WIPF3: variants seen among roughly 807,000 people sequenced by gnomAD.
WIPF3 encodes the protein WAS/WASL interacting protein family member 3.
A neutral mutation model predicts 38.9 loss-of-function variants in WIPF3; 33 were observed. That is an observed-to-expected ratio of 0.85 (90% CI 0.64 to 1.14). WIPF3 has a LOEUF of 1.14. Ranked by LOEUF, WIPF3 falls within the 50% of genes most tolerant of loss-of-function variation. The probability of loss-of-function intolerance (pLI) is 0.00; values close to 1 mark genes in which losing one functional copy is unlikely to be tolerated. For missense variants in WIPF3, 711 were observed against 652.5 expected (o/e 1.09, Z -0.98); for synonymous variants, 324 against 269.3 (o/e 1.20, Z -1.99).
chr7:29,841,340 G>A (rs146222482), intron 2 of WIPF3, among the ~76,000 whole-genome samples: 322 of 152,144 alleles, frequency 2.1e-3, no homozygotes, highest in Non-Finnish European at 3.8e-3. Flanking sequence ...CCTCATCTCC[G>A]TCGCTGATGA....
chr7:29,828,667 T>C (rs6959637), intron 1 of WIPF3, among the ~76,000 whole-genome samples: 88,851 of 152,030 alleles, frequency 0.58, 26,216 homozygotes, highest in Middle Eastern at 0.65. Context: ...GAGGGGCTCC[T>C]ACTGCAGACC....
chr7:29,877,046 T>C (rs1785613596), intron 3 of WIPF3, among the ~76,000 whole-genome samples: 1 of 152,214 alleles, frequency 6.6e-6, no homozygotes, highest in Non-Finnish European at 1.5e-5. Flanking sequence ...ACTTTTTGAA[T>C]GTCGACATGA....
At chr7:29,903,711 A>T (rs1272166631) in intron 7 of WIPF3, among the ~76,000 whole-genome samples, 1 of 147,476 alleles carries the variant, frequency 6.8e-6, no homozygotes, top group Non-Finnish European at 1.5e-5. Flanking sequence ...AAAAAAAAAA[A>T]TTGAAGAGAT....
chr7:29,846,452 A>G (rs543198093), intron 2 of WIPF3, among the ~76,000 whole-genome samples: 1 of 152,306 alleles, frequency 6.6e-6, no homozygotes, highest in East Asian at 1.9e-4. Flanking sequence ...TGTAATCCCA[A>G]CACTTTGGGA....
rs1483128992 is a variant in WIPF3, at chr7:29,878,946, A to C, written c.224-63A>C. On this transcript the variant is annotated intron_variant, in intron 3 of 8. Coordinates refer to ENST00000242140, the MANE Select transcript of WIPF3 (RefSeq NM_001080529.3). The surrounding 1 kb of genome is among the most constrained non-coding windows in gnomAD (Gnocchi z 4.0). ...AGACCAGTGTTAGACCATGGTCTGA[A>C]ATGAGACCTGGCTGCTCAGCTCTGC... 4 of 1,535,580 alleles carry C rather than the reference A, an allele frequency of 2.6e-6. No individual in the cohort carries two copies. Among genetic ancestry groups the C allele is most frequent in the Non-Finnish European group, 3.5e-6 (4 of 1,130,448 alleles).
intron 1 of WIPF3, among the ~76,000 whole-genome samples, chr7:29,817,051 A>G (rs1784467646): frequency 6.6e-6 from 1 of 152,200 alleles, no homozygotes; most frequent in African/African-American, 2.4e-5. Flanking sequence ...CCAATTTGAT[A>G]GGTGAAAATG....
At chr7:29,886,487 G>C (rs1344964711) in intron 5 of WIPF3, among the ~76,000 whole-genome samples, 4 of 150,870 alleles carry the variant, frequency 2.7e-5, no homozygotes, top group Non-Finnish European at 2.9e-5. Flanking sequence ...CTTCCGAGTA[G>C]CTGAGGTTAC....
chr7:29,856,042 T>C (rs891213355), intron 2 of WIPF3, among the ~76,000 whole-genome samples: 2 of 152,228 alleles, frequency 1.3e-5, no homozygotes, highest in Admixed American at 1.3e-4. Context: ...GATATGTATG[T>C]ATATATGTAG....
At chr7:29,813,694 G>T (rs1784415648) in intron 1 of WIPF3, among the ~76,000 whole-genome samples, 1 of 151,950 alleles carries the variant, frequency 6.6e-6, no homozygotes, top group African/African-American at 2.4e-5. Flanking sequence ...CATACCATAA[G>T]ATTCAGCTTT....
chr7:29,899,580 A>G (rs565942188), intron 7 of WIPF3, among the ~76,000 whole-genome samples: 3 of 152,348 alleles, frequency 2.0e-5, no homozygotes, highest in South Asian at 2.1e-4. Flanking sequence ...TCACTCATAT[A>G]TGCATTGCTG....
At chr7:29,856,509 G>T (rs576351608) in intron 2 of WIPF3, among the ~76,000 whole-genome samples, 4 of 152,146 alleles carry the variant, frequency 2.6e-5, no homozygotes, top group Admixed American at 6.5e-5. Context: ...GCTGTCTGTT[G>T]TCTCAGATAC....
At chr7:29,835,092 C>G (rs1262121294) in intron 2 of WIPF3, among the ~76,000 whole-genome samples, 1 of 151,772 alleles carries the variant, frequency 6.6e-6, no homozygotes, top group South Asian at 2.1e-4. Flanking sequence ...TACAGGCTCG[C>G]GAGTCTGAGT....
intron 4 of WIPF3, among the ~76,000 whole-genome samples, chr7:29,882,741 C>T (rs755081581): frequency 2.8e-4 from 42 of 152,212 alleles, no homozygotes; most frequent in Non-Finnish European, 5.1e-4. Context: ...TCCCATGCTG[C>T]AGCACCCAGG....
chr7:29,906,528 G>C (rs1344104316), intron 8 of WIPF3, among the ~76,000 whole-genome samples: 1 of 152,116 alleles, frequency 6.6e-6, no homozygotes, highest in African/African-American at 2.4e-5. Context: ...CAAAGCCTAA[G>C]AGACCTGTGG....
At chr7:29,909,336 T>A (rs1450261590) in intron 8 of WIPF3, among the ~76,000 whole-genome samples, 1 of 151,594 alleles carries the variant, frequency 6.6e-6, no homozygotes, top group South Asian at 2.1e-4. Flanking sequence ...AGAAAAACAA[T>A]ACAGAAAATC....
At chr7:29,858,420 T>C (rs1418633848) in intron 2 of WIPF3, among the ~76,000 whole-genome samples, 3 of 152,158 alleles carry the variant, frequency 2.0e-5, no homozygotes, top group Admixed American at 1.3e-4. Flanking sequence ...AGAGCAATGG[T>C]TACATCAGCC....
At chr7:29,892,008 G>C (rs148003523) in intron 7 of WIPF3, among the ~76,000 whole-genome samples, 1 of 152,202 alleles carries the variant, frequency 6.6e-6, no homozygotes, top group African/African-American at 2.4e-5. Context: ...CAGACTGCCG[G>C]AGGTGCAAGG....
At chr7:29,863,402 A>G (rs925374033) in intron 2 of WIPF3, among the ~76,000 whole-genome samples, 20 of 152,252 alleles carry the variant, frequency 1.3e-4, no homozygotes, top group Admixed American at 1.2e-3. Flanking sequence ...ACATTCATAC[A>G]TAAGTTTTCA....
chr7:29,843,241 C>A (rs568464849), intron 2 of WIPF3, among the ~76,000 whole-genome samples: 10 of 152,298 alleles, frequency 6.6e-5, no homozygotes, highest in Non-Finnish European at 1.5e-4. Flanking sequence ...GCCACTCATA[C>A]TTCCAAAGGG....
Sources: allele counts gnomAD v4.1 joint callset (sites outside exome capture counted in the v4.1 genomes callset), GRCh38; gene constraint gnomAD v4.1.1; non-coding constraint Gnocchi (gnomAD v3.1); transcripts MANE v1.5; gene names NCBI Gene and HGNC (gene_info 2026-07-23, HGNC 2026-07-21).